NXPE3: variants seen among roughly 807,000 people sequenced by gnomAD.
NXPE3 encodes the protein neurexophilin and PC-esterase domain family member 3.
A neutral mutation model predicts 46.1 loss-of-function variants in NXPE3; 26 were observed. The ratio of observed to expected loss-of-function variants is 0.56; its 90% confidence interval spans 0.41 to 0.78. NXPE3 has a LOEUF of 0.78. NXPE3 is among the 30% of genes least tolerant of loss of function. The probability of loss-of-function intolerance (pLI) is 0.00; values close to 1 mark genes in which losing one functional copy is unlikely to be tolerated. For synonymous variants in NXPE3, 272 were observed against 257.9 expected (o/e 1.05, Z -0.52); for missense variants, 620 against 686.0 (o/e 0.90, Z 1.07).
intron 4 of NXPE3, among the ~76,000 whole-genome samples, chr3:101,799,676 G>A (rs920447507): frequency 5.9e-5 from 9 of 151,984 alleles, no homozygotes; most frequent in African/African-American, 1.7e-4. Flanking sequence ...CATCTGCCTC[G>A]GCCTCCCAAA....
intron 3 of NXPE3, among the ~76,000 whole-genome samples, chr3:101,784,542 A>G (rs774381471): frequency 2.0e-5 from 3 of 152,124 alleles, no homozygotes; most frequent in Non-Finnish European, 2.9e-5. Flanking sequence ...ACTCTGCACC[A>G]TGATTTTGTA....
intron 7 of NXPE3, among the ~76,000 whole-genome samples, chr3:101,818,920 C>G: frequency 6.6e-6 from 1 of 151,262 alleles, no homozygotes; most frequent in Non-Finnish European, 1.5e-5. Flanking sequence ...CACCTGACAC[C>G]ATGCCTGGCT....
intron 4 of NXPE3, among the ~76,000 whole-genome samples, chr3:101,790,807 G>T (rs1940470582): frequency 6.6e-6 from 1 of 152,076 alleles, no homozygotes; most frequent in African/African-American, 2.4e-5. Context: ...CATTGCCCAG[G>T]CTGGTCTTGC....
rs770360739 is a variant in NXPE3 at position 101,808,854 on chromosome 3, T to TATATATAC, written c.922+1730_922+1731insATATACAT. Among the ~76,000 whole-genome samples, 636 of 100,340 alleles carry TATATATAC rather than the reference T, an allele frequency of 6.3e-3. 48 individuals carry two copies. The highest frequency in any genetic ancestry group is 0.016 in the African/African-American group (440 of 27,982). 65.8% of individuals were successfully genotyped at this position (100,340 alleles called of 152,430 possible). A position where few individuals can be genotyped will look rare whatever the true frequency, so the allele number is the denominator to read the frequency against. ...ATATATATATATATATATATATATA[T>TATATATAC]ATGAGACATTTATCTTTTATCTGTT... On this transcript the variant is annotated intron_variant, in intron 6 of 7. Transcript: ENST00000273347.
chr3:101,822,103 C>G lies in NXPE3; in HGVS notation c.*149C>G. 1 of 665,112 alleles carries G rather than the reference C, an allele frequency of 1.5e-6. No homozygotes were observed. Among genetic ancestry groups the G allele is most frequent in the Non-Finnish European group, 2.5e-6 (1 of 398,316 alleles). The allele number at this position is 665,112 out of a possible 1,614,324, so 41.2% of individuals were successfully genotyped here. On this transcript the variant is annotated 3_prime_UTR_variant, in exon 8 of 8. Coordinates refer to ENST00000273347, the MANE Select transcript of NXPE3 (RefSeq NM_145037.4). ...ACTTAATATGATGACTTATAAGGAG[C>G]TTAGAAAATGCAGGTTACATTTATA...
At chr3:101,811,994 A>C (rs752298631) in intron 6 of NXPE3, among the ~76,000 whole-genome samples, 13 of 152,036 alleles carry the variant, frequency 8.6e-5, no homozygotes, top group Non-Finnish European at 1.5e-4. Flanking sequence ...TTGGCTTCCT[A>C]AAGTGTTGGG....
intron 4 of NXPE3, among the ~76,000 whole-genome samples, chr3:101,791,080 T>C (rs568557128): frequency 1.3e-3 from 199 of 152,310 alleles, no homozygotes; most frequent in African/African-American, 4.6e-3. Flanking sequence ...CCCTCTCTGC[T>C]CCTCTCCCTC....
chr3:101,784,901 G>A (rs1420492997), intron 3 of NXPE3, among the ~76,000 whole-genome samples: 1 of 152,138 alleles, frequency 6.6e-6, no homozygotes, highest in East Asian at 1.9e-4. Flanking sequence ...CGCGTCTCCT[G>A]CCATACCTCT....
intron 6 of NXPE3, among the ~76,000 whole-genome samples, chr3:101,810,584 G>A (rs544817473): frequency 1.3e-5 from 2 of 152,258 alleles, no homozygotes; most frequent in East Asian, 3.9e-4. Flanking sequence ...GATCAGATAA[G>A]CCCTTAACAG....
chr3:101,780,206 A>G (rs1359209087), intron 1 of NXPE3, among the ~76,000 whole-genome samples: 1 of 152,110 alleles, frequency 6.6e-6, no homozygotes, highest in Non-Finnish European at 1.5e-5. Context: ...GGACTCCCAG[A>G]CCCTGATAAT....
chr3:101,779,485 C>G (rs1939685753), intron 1 of NXPE3, 161 bp downstream of exon 1: 1 of 152,740 alleles, frequency 6.5e-6, no homozygotes. Context: ...GGTGCAGCCC[C>G]TGGAGTCGTG....
At position 101,821,359 on chromosome 3, in the gene NXPE3, G is replaced by T. The variant is rs892152088; in HGVS notation, c.1130-45G>T. 3.2e-6 allele frequency: 5 copies of T among 1,547,290 alleles called. No homozygotes were observed. The African/African-American group carries it at 6.8e-5, about 21-fold the overall frequency. ...AATAAGGTATAATCAAAATATATGT[G>T]CTTGGTTTGAAGGTTTTTATGAACT... On this transcript the variant is annotated intron_variant, in intron 7 of 7. Coordinates refer to ENST00000273347, the MANE Select transcript of NXPE3 (RefSeq NM_145037.4).
intron 6 of NXPE3, 80 bp from the exon 7 acceptor site, chr3:101,816,715 G>A (rs994787218): frequency 6.6e-6 from 7 of 1,060,598 alleles, no homozygotes; most frequent in Admixed American, 6.6e-5. Context: ...AAATACATGG[G>A]CATAATTGTT....
intron 4 of NXPE3, among the ~76,000 whole-genome samples, chr3:101,789,784 G>T (rs1940397176): frequency 6.6e-6 from 1 of 151,856 alleles, no homozygotes; most frequent in Admixed American, 6.6e-5. Flanking sequence ...CACAACCTTT[G>T]GGCTCAAGTG....
In NXPE3 at chr3:101,827,477, T is replaced by C. The variant is rs750331441; in HGVS notation, c.*5523T>C. Reference sequence around the variant, plus strand: ...ACATGATTGCGATACTACTTTTTGATTGCCGTATTGTAAAAGCTATATGGT... The same window carrying C: ...ACATGATTGCGATACTACTTTTTGACTGCCGTATTGTAAAAGCTATATGGT... On this transcript the variant is annotated 3_prime_UTR_variant, in exon 8 of 8. Transcript: ENST00000273347. 5.9e-5 allele frequency: 9 copies of C among 152,244 alleles called. No individual in the cohort carries two copies. Among genetic ancestry groups the C allele is most frequent in the Non-Finnish European group, 8.8e-5 (6 of 68,040 alleles). 9.4% of individuals were successfully genotyped at this position (152,244 alleles called of 1,614,324 possible). A position where few individuals can be genotyped will look rare whatever the true frequency, so the allele number is the denominator to read the frequency against.
In NXPE3 at chr3:101,824,945, C is replaced by T. The variant is rs1942427078; in HGVS notation, c.*2991C>T. On this transcript the variant is annotated 3_prime_UTR_variant, in exon 8 of 8. Transcript: ENST00000273347. ...TATTTTTTGATTTGGTGACATAGCT[C>T]TCAAAGATTTGGTGACACAGCTTCT... The T allele has an allele frequency of 6.6e-6, 1 of 152,134 alleles. No individual in the cohort carries two copies. Among genetic ancestry groups the T allele is most frequent in the Non-Finnish European group, 1.5e-5 (1 of 68,032 alleles). The allele number at this position is 152,134 out of a possible 1,614,324, so 9.4% of individuals were successfully genotyped here. A position where few individuals can be genotyped will look rare whatever the true frequency, so the allele number is the denominator to read the frequency against.
At chr3:101,818,718 TATATATA>T (rs1942081199) in intron 7 of NXPE3, among the ~76,000 whole-genome samples, 6 of 12,114 alleles carry the variant, frequency 5.0e-4, no homozygotes, top group African/African-American at 1.9e-3. Flanking sequence ...TGACAATTTA[TATATATA>T]TATATATATA....
chr3:101,815,775 A>T (rs775953214), intron 6 of NXPE3, among the ~76,000 whole-genome samples: 3 of 152,142 alleles, frequency 2.0e-5, no homozygotes, highest in Non-Finnish European at 4.4e-5. Flanking sequence ...GAGGTGGGTG[A>T]TCACAACGTC....
intron 6 of NXPE3, among the ~76,000 whole-genome samples, chr3:101,810,633 GGATTCCATGTGAGGGA>G (rs1323375678): frequency 2.6e-5 from 4 of 152,124 alleles, no homozygotes; most frequent in Admixed American, 2.0e-4. Context: ...AGTGTAAGAA[GGATTCCATGTGAGGGA>G]GATTCTTTGT....
Sources: allele counts gnomAD v4.1 joint callset (sites outside exome capture counted in the v4.1 genomes callset), GRCh38; gene constraint gnomAD v4.1.1; transcripts MANE v1.5; gene names NCBI Gene and HGNC (gene_info 2026-07-23, HGNC 2026-07-21).